Variants in TTC39C observed in about 807,000 individuals in gnomAD.
TTC39C encodes the protein tetratricopeptide repeat domain 39C.
In TTC39C, 33 loss-of-function variants were observed where a neutral mutation model predicts 76.3. The observed-to-expected ratio is 0.43, with a 90% confidence interval of 0.33 to 0.58. The LOEUF (loss-of-function observed/expected upper bound fraction) is 0.58. TTC39C is among the 20% of genes least tolerant of loss of function. TTC39C has a pLI of 0.04. For synonymous variants in TTC39C, 254 were observed against 260.6 expected (o/e 0.97, Z 0.24); for missense variants, 595 against 701.4 (o/e 0.85, Z 1.71).
chr18:24,027,808 C>T (rs2083617434), intron 1 of TTC39C, among the ~76,000 whole-genome samples: 1 of 152,144 alleles, frequency 6.6e-6, no homozygotes, highest in Non-Finnish European at 1.5e-5. Flanking sequence ...AGTCCTCCCA[C>T]CTCAGCCTCC....
Position 24,133,745 on chromosome 18 carries a change from G to T in TTC39C, c.*1171G>T, listed in dbSNP as rs11877735. The T allele has an allele frequency of 1.3e-5, 2 of 151,922 alleles. No homozygotes were observed. The highest frequency in any genetic ancestry group is 2.4e-5 in the African/African-American group (1 of 41,336). 9.4% of individuals were successfully genotyped at this position (151,922 alleles called of 1,614,324 possible). A position where few individuals can be genotyped will look rare whatever the true frequency, so the allele number is the denominator to read the frequency against. On this transcript the variant is annotated 3_prime_UTR_variant, in exon 14 of 14. Coordinates refer to ENST00000317571, the MANE Select transcript of TTC39C (RefSeq NM_001135993.2). Reference sequence around the variant, plus strand: ...TCCATGCCCGGTACTGCAAACCTGTGGTTTTGAAGAATCTAAATACCTCAG... The same window carrying T: ...TCCATGCCCGGTACTGCAAACCTGTTGTTTTGAAGAATCTAAATACCTCAG...
At chr18:24,117,522 C>T (rs940998872) in intron 7 of TTC39C, among the ~76,000 whole-genome samples, 13 of 151,572 alleles carry the variant, frequency 8.6e-5, no homozygotes, top group African/African-American at 2.7e-4. Context: ...GCCAACATGG[C>T]GAAACCCCAT....
intron 1 of TTC39C, among the ~76,000 whole-genome samples, chr18:24,058,686 G>A (rs776272840): frequency 2.1e-4 from 32 of 151,958 alleles, no homozygotes; most frequent in Non-Finnish European, 4.3e-4. Flanking sequence ...AAATTATCAA[G>A]TTCATAATAA....
At chr18:24,105,758 T>G (rs1188536174) in intron 6 of TTC39C, among the ~76,000 whole-genome samples, 1 of 152,234 alleles carries the variant, frequency 6.6e-6, no homozygotes, top group Non-Finnish European at 1.5e-5. Context: ...GTTGGTGTCT[T>G]CGTTTCCCAC....
rs559199662 is a variant in TTC39C at position 24,066,741 on chromosome 18, G to A, written c.345+601G>A. 5.9e-5 allele frequency among the ~76,000 whole-genome samples: 9 copies of A among 152,208 alleles called. No homozygotes were observed. In the East Asian group the frequency reaches 1.2e-3, roughly 20 times the overall value. Reference sequence around the variant, plus strand: ...ACCTGTCTTCTGCTCCTGCATGCCCGTGCCCTGCCTATGAAGCATCACAGG... The same window carrying A: ...ACCTGTCTTCTGCTCCTGCATGCCCATGCCCTGCCTATGAAGCATCACAGG... On this transcript the variant is annotated intron_variant, in intron 3 of 13. Transcript: ENST00000317571.
intron 1 of TTC39C, among the ~76,000 whole-genome samples, chr18:24,022,090 G>A (rs892739372): frequency 1.3e-5 from 2 of 152,102 alleles, no homozygotes; most frequent in African/African-American, 2.4e-5. Context: ...AATGATAAAT[G>A]TAAACACATA....
chr18:24,093,446 T>G (rs1432236586), intron 6 of TTC39C, among the ~76,000 whole-genome samples: 1 of 148,842 alleles, frequency 6.7e-6, no homozygotes, highest in African/African-American at 2.5e-5. Flanking sequence ...GCCACTGCAC[T>G]CCAGCCTGGG....
chr18:24,007,406 T>G (rs554566237), intron 1 of TTC39C, among the ~76,000 whole-genome samples: 73 of 152,258 alleles, frequency 4.8e-4, no homozygotes, highest in African/African-American at 1.7e-3. Flanking sequence ...TTTTTGGAGA[T>G]GGAATCTCAC....
At chr18:24,115,877 T>C (rs2084885239) in intron 7 of TTC39C, among the ~76,000 whole-genome samples, 2 of 152,256 alleles carry the variant, frequency 1.3e-5, no homozygotes, top group South Asian at 4.1e-4. Flanking sequence ...CAATATAGAA[T>C]GAAATGTGCT....
At chr18:24,103,479 C>T (rs555457505) in intron 6 of TTC39C, among the ~76,000 whole-genome samples, 167 of 152,258 alleles carry the variant, frequency 1.1e-3, no homozygotes, top group African/African-American at 3.8e-3. Flanking sequence ...TCTGCATAGC[C>T]AGCAGTAACA....
chr18:24,091,363 G>A (rs913528489), intron 6 of TTC39C, among the ~76,000 whole-genome samples: 4 of 152,156 alleles, frequency 2.6e-5, no homozygotes, highest in Non-Finnish European at 5.9e-5. Context: ...GATGGCTTGA[G>A]CCCGGGGGAT....
chr18:24,128,053 C>T (rs1047663029), intron 10 of TTC39C, among the ~76,000 whole-genome samples: 11 of 113,236 alleles, frequency 9.7e-5, no homozygotes, highest in African/African-American at 2.2e-4. Context: ...TCAGACACAC[C>T]TGGCCCCTGT....
chr18:24,101,573 A>T (rs1249766259), intron 6 of TTC39C, among the ~76,000 whole-genome samples: 1 of 150,588 alleles, frequency 6.6e-6, no homozygotes, highest in Non-Finnish European at 1.5e-5. Context: ...AAAAAAAAAC[A>T]TCCACATAGC....
At chr18:24,069,581 A>G (rs2145739206) in intron 4 of TTC39C, among the ~76,000 whole-genome samples, 1 of 152,332 alleles carries the variant, frequency 6.6e-6, no homozygotes, top group Admixed American at 6.5e-5. Flanking sequence ...TCAGGTTGTG[A>G]TAATAACCTT....
At position 24,048,580 on chromosome 18, in the gene TTC39C, T is replaced by G. The variant is rs114020183; in HGVS notation, c.168-15560T>G. Reference sequence around the variant, plus strand: ...ACATGGTAAGTATTTGAGATAAATGTATATTTTTGGTTAAAACATGTAACT... The same window carrying G: ...ACATGGTAAGTATTTGAGATAAATGGATATTTTTGGTTAAAACATGTAACT... On this transcript the variant is annotated intron_variant, in intron 1 of 13. Transcript: ENST00000317571. Among the ~76,000 whole-genome samples the G allele has an allele frequency of 8.9e-3, 1,361 of 152,366 alleles. 26 individuals are homozygous for G. The highest frequency in any genetic ancestry group is 0.031 in the African/African-American group (1,278 of 41,570).
intron 10 of TTC39C, among the ~76,000 whole-genome samples, chr18:24,128,371 T>TA (rs2085076850): frequency 1.3e-5 from 2 of 151,178 alleles, no homozygotes; most frequent in African/African-American, 4.8e-5. Flanking sequence ...ACCTTCAAGT[T>TA]ACTTGTTCTG....
At position 24,125,450 on chromosome 18, in the gene TTC39C, C is replaced by A. The variant is rs1295709032; in HGVS notation, c.1320C>A (p.Thr440=). 6.2e-7 allele frequency: 1 copy of A among 1,614,004 alleles called. No individual in the cohort carries two copies. Among genetic ancestry groups the A allele is most frequent in the Non-Finnish European group, 8.5e-7 (1 of 1,179,992 alleles). Residue 440 remains threonine (T), a synonymous_variant, in exon 10 of 14, where the codon ACC becomes ACA. Coordinates refer to ENST00000317571, the MANE Select transcript of TTC39C (RefSeq NM_001135993.2). ...VKKAERFRKQ[T]PTKALCVLAS... ...AGGCAGAGCGATTTCGGAAGCAAAC[C>A]CCAACCAAAGCGCTCTGTGTGTTGG...
chr18:24,063,165 T>C (rs2084119926), intron 1 of TTC39C, among the ~76,000 whole-genome samples: 2 of 152,254 alleles, frequency 1.3e-5, no homozygotes, highest in Non-Finnish European at 2.9e-5. Flanking sequence ...TTTTGTACTA[T>C]TTTGGATTTT....
At chr18:24,069,344 T>A in intron 4 of TTC39C, 73 bp downstream of exon 4, 1 of 1,280,824 alleles carries the variant, frequency 7.8e-7, no homozygotes. Context: ...TTTTTAAGAA[T>A]GCCTTATATT....
Sources: allele counts gnomAD v4.1 joint callset (sites outside exome capture counted in the v4.1 genomes callset), GRCh38; gene constraint gnomAD v4.1.1; transcripts MANE v1.5; gene names NCBI Gene and HGNC (gene_info 2026-07-23, HGNC 2026-07-21).